Variants in REV1 observed in about 807,000 individuals in gnomAD.
The protein encoded by REV1 is translesion synthesis protein REV1.
REV1 carries 42 observed loss-of-function variants against 137.4 expected under a neutral mutation model. The ratio of observed to expected loss-of-function variants is 0.31; its 90% CI spans 0.24 to 0.40. The LOEUF is 0.40. Among genes scored for constraint, REV1 ranks in the 10% least tolerant of loss-of-function variants. The pLI is 1.00. For missense variants in REV1, 1,282 were observed against 1,490.1 expected, an observed-to-expected ratio of 0.86 and a Z score of 2.30; for synonymous variants, 524 against 519.2, an observed-to-expected ratio of 1.01 and a Z score of -0.12.
intron 10 of REV1, among the ~76,000 whole-genome samples, chr2:99,423,160 C>T (rs567797625): frequency 6.6e-6 from 1 of 152,312 alleles, no homozygotes; most frequent in South Asian, 2.1e-4. Flanking sequence ...TCTCTCTCTC[C>T]TACTAAAGCA....
At chr2:99,410,629 T>C in intron 14 of REV1, 66 bp downstream of exon 14, 1 of 1,374,956 alleles carries the variant, frequency 7.3e-7, no homozygotes, top group Non-Finnish European at 9.9e-7. Flanking sequence ...TTTTCTTCAT[T>C]TTCTATTACT....
At chr2:99,416,903 A>G (rs1400128122) in intron 12 of REV1, among the ~76,000 whole-genome samples, 1 of 98,896 alleles carries the variant, frequency 1.0e-5, no homozygotes, top group Non-Finnish European at 1.9e-5. Context: ...ACAGAGCAAG[A>G]CTCCATCTCA....
intron 15 of REV1, among the ~76,000 whole-genome samples, chr2:99,407,618 G>T (rs1676521121): frequency 6.6e-6 from 1 of 151,714 alleles, no homozygotes; most frequent in Non-Finnish European, 1.5e-5. Flanking sequence ...TGTTTCAAAG[G>T]CATCTTGATG....
chr2:99,455,093 T>C (rs28369957), intron 3 of REV1, among the ~76,000 whole-genome samples: 4 of 152,234 alleles, frequency 2.6e-5, no homozygotes, highest in Non-Finnish European at 5.9e-5. Flanking sequence ...CCTAGCTAGA[T>C]CTCTATTGAG....
At chr2:99,404,377 G>T in intron 18 of REV1, 67 bp downstream of exon 18, 1 of 1,323,014 alleles carries the variant, frequency 7.6e-7, no homozygotes, top group Non-Finnish European at 1.1e-6. Context: ...AGTGAGACAG[G>T]TCCTAAGTTG....
chr2:99,439,755 A>G (rs1040729222), intron 5 of REV1, among the ~76,000 whole-genome samples: 3 of 152,228 alleles, frequency 2.0e-5, no homozygotes, highest in African/African-American at 7.2e-5. Flanking sequence ...CATTTACTAC[A>G]TGGTCAATAA....
intron 3 of REV1, among the ~76,000 whole-genome samples, chr2:99,457,712 G>C (rs1034597260): frequency 6.6e-6 from 1 of 151,522 alleles, no homozygotes; most frequent in Admixed American, 6.6e-5. Flanking sequence ...GAGAGAGAGA[G>C]GCGTAGGTCC....
chr2:99,428,324 C>T (rs879774190), intron 9 of REV1, among the ~76,000 whole-genome samples: 2 of 152,162 alleles, frequency 1.3e-5, no homozygotes, highest in Admixed American at 6.5e-5. Flanking sequence ...ACAACATAAA[C>T]TCAGCTCTAG....
chr2:99,404,986 G>A (rs1480505120), intron 17 of REV1, among the ~76,000 whole-genome samples: 2 of 152,190 alleles, frequency 1.3e-5, no homozygotes, highest in Non-Finnish European at 2.9e-5. Context: ...CAACAGATAT[G>A]AATAGCCTTG....
At chr2:99,426,397 AT>A (rs1412355384) in intron 9 of REV1, among the ~76,000 whole-genome samples, 2 of 152,044 alleles carry the variant, frequency 1.3e-5, no homozygotes, top group Non-Finnish European at 2.9e-5. Context: ...TCATGTTCTT[AT>A]ATTTACAATA....
intron 8 of REV1, 26 bp from the exon 9 acceptor site, chr2:99,429,974 G>C (rs1247774044): frequency 7.3e-7 from 1 of 1,369,326 alleles, no homozygotes; most frequent in Admixed American, 2.2e-5. Context: ...AAAATTAATG[G>C]TTATATGTTA....
intron 1 of REV1, among the ~76,000 whole-genome samples, chr2:99,465,950 TA>T (rs1684752223): frequency 6.6e-6 from 1 of 152,172 alleles, no homozygotes; most frequent in African/African-American, 2.4e-5. Context: ...ATTTATTTAT[TA>T]TTTTTTTTGA....
intron 3 of REV1, among the ~76,000 whole-genome samples, chr2:99,461,323 T>C (rs1165382385): frequency 6.6e-6 from 1 of 152,226 alleles, no homozygotes; most frequent in Non-Finnish European, 1.5e-5. Context: ...GTCCAGTCAC[T>C]GTAGAGGCAC....
intron 1 of REV1, among the ~76,000 whole-genome samples, chr2:99,476,381 C>T (rs1685979283): frequency 1.3e-5 from 2 of 152,058 alleles, no homozygotes; most frequent in African/African-American, 4.8e-5. Context: ...CATGGTGAAA[C>T]CCCATCTCTA....
chr2:99,482,765 T>G (rs1031438259), intron 1 of REV1, among the ~76,000 whole-genome samples: 1 of 151,872 alleles, frequency 6.6e-6, no homozygotes, highest in African/African-American at 2.4e-5. Context: ...ATTAAAAAAT[T>G]TACACTTTGG....
intron 1 of REV1, among the ~76,000 whole-genome samples, chr2:99,478,025 G>A (rs1358828854): frequency 6.6e-6 from 1 of 152,168 alleles, no homozygotes; most frequent in Non-Finnish European, 1.5e-5. Flanking sequence ...CTAAGGTCAG[G>A]AGTTCGAGAC....
intron 15 of REV1, among the ~76,000 whole-genome samples, chr2:99,407,824 G>T (rs183327797): frequency 6.6e-6 from 1 of 152,284 alleles, no homozygotes; most frequent in African/African-American, 2.4e-5. Context: ...AGTACAGTAA[G>T]AATCTAAGAA....
intron 3 of REV1, among the ~76,000 whole-genome samples, chr2:99,450,624 T>C (rs1314176462): frequency 6.6e-6 from 1 of 152,210 alleles, no homozygotes; most frequent in Non-Finnish European, 1.5e-5. Context: ...TTACAAATAT[T>C]AGCACTATTC....
In REV1 at chr2:99,412,914, C is replaced by T. The variant is rs193134249; in HGVS notation, c.1989G>A (p.Leu663=). ...GHSMESKLAS[L]GIKTCGDLQY... ...GCAAGTCTCCACAAGTTTTAATTCC[C>T]AAAGATGCCAACTTAGATTCCATTG... The change falls in exon 13 of 23, where the codon TTG becomes TTA. Residue 663 remains leucine (L), a synonymous_variant. Coordinates refer to ENST00000258428, the MANE Select transcript of REV1 (RefSeq NM_016316.4). 6.2e-7 allele frequency: 1 copy of T among 1,614,016 alleles called. No homozygotes were observed. Among genetic ancestry groups the T allele is most frequent in the Non-Finnish European group, 8.5e-7 (1 of 1,179,926 alleles).
Sources: gnomAD v4.1 joint callset for allele counts (sites outside exome capture counted in the v4.1 genomes callset) on GRCh38, gnomAD v4.1.1 for gene constraint, MANE v1.5 for transcripts, NCBI Gene and HGNC (gene_info 2026-07-23, HGNC 2026-07-21) for gene names.